CDK6: variants seen among roughly 807,000 people sequenced by gnomAD.
CDK6 encodes the protein cyclin-dependent kinase 6.
Under a neutral mutation model 37.1 loss-of-function variants are expected in CDK6, and 6 were observed. That is an observed-to-expected ratio of 0.16 (90% CI 0.09 to 0.32). The LOEUF (loss-of-function observed/expected upper bound fraction) is 0.32. CDK6 is among the 10% of genes least tolerant of loss of function. The pLI is 1.00. For missense variants in CDK6, 224 were observed against 418.9 expected (o/e 0.53, Z 4.06); for synonymous variants, 160 against 161.3 (o/e 0.99, Z 0.06).
In CDK6 at chr7:92,735,420, G is replaced by A. The variant is rs144637459; in HGVS notation, c.370-9627C>T. Among the ~76,000 whole-genome samples, 80 of 152,112 alleles carry A rather than the reference G, an allele frequency of 5.3e-4. 1 individual carries two copies. The highest frequency in any genetic ancestry group is 1.3e-4 in the Non-Finnish European group (9 of 67,990). ...ATAGGTAGTTTTTCAGCTCTTCCCCGCTCCTCTAGTAGTCCCCAGTGTCTA... is the reference window on the plus strand; with the variant it reads ...ATAGGTAGTTTTTCAGCTCTTCCCCACTCCTCTAGTAGTCCCCAGTGTCTA... On this transcript the variant is annotated intron_variant, in intron 3 of 7. Transcript: ENST00000424848.
At chr7:92,790,984 G>A (rs1466581959) in intron 2 of CDK6, among the ~76,000 whole-genome samples, 1 of 152,138 alleles carries the variant, frequency 6.6e-6, no homozygotes, top group Non-Finnish European at 1.5e-5. Context: ...TTTTCAAAGA[G>A]CCCAATCTGA....
At chr7:92,697,432 A>G (rs181778409) in intron 4 of CDK6, among the ~76,000 whole-genome samples, 1 of 152,370 alleles carries the variant, frequency 6.6e-6, no homozygotes, top group Non-Finnish European at 1.5e-5. Flanking sequence ...ATGTTACTTA[A>G]ACATAAAAAC....
chr7:92,810,572 GTGA>G (rs1800852251), intron 2 of CDK6, among the ~76,000 whole-genome samples: 1 of 152,180 alleles, frequency 6.6e-6, no homozygotes, highest in Non-Finnish European at 1.5e-5. Context: ...ACGAAAAGAA[GTGA>G]TGAATTCATT....
intron 2 of CDK6, among the ~76,000 whole-genome samples, chr7:92,780,214 C>T (rs1799952522): frequency 6.6e-6 from 1 of 152,160 alleles, no homozygotes; most frequent in East Asian, 1.9e-4. Context: ...TCAAGTGATC[C>T]ACCTGCCTTG....
At chr7:92,676,998 C>G (rs895784625) in intron 4 of CDK6, among the ~76,000 whole-genome samples, 18 of 151,440 alleles carry the variant, frequency 1.2e-4, no homozygotes, top group Admixed American at 3.3e-4. Context: ...CCATTACTTT[C>G]CAGTTCTCTA....
At chr7:92,792,316 A>C (rs1378824381) in intron 2 of CDK6, among the ~76,000 whole-genome samples, 2 of 152,150 alleles carry the variant, frequency 1.3e-5, no homozygotes, top group African/African-American at 4.8e-5. Context: ...GCAATTAAAA[A>C]AGTTTAAGTG....
At chr7:92,696,477 T>A (rs1554404012) in intron 4 of CDK6, among the ~76,000 whole-genome samples, 1 of 152,208 alleles carries the variant, frequency 6.6e-6, no homozygotes, top group Non-Finnish European at 1.5e-5. Flanking sequence ...ACCATATATG[T>A]GTATTTTTTT....
At chr7:92,726,055 CAT>C (rs1798505505) in intron 3 of CDK6, among the ~76,000 whole-genome samples, 1 of 152,146 alleles carries the variant, frequency 6.6e-6, no homozygotes, top group Admixed American at 6.5e-5. Context: ...GAATAGGAAA[CAT>C]TCTGGAAGGA....
chr7:92,758,320 A>G (rs1339311661), intron 3 of CDK6, among the ~76,000 whole-genome samples: 2 of 152,150 alleles, frequency 1.3e-5, no homozygotes, highest in Non-Finnish European at 2.9e-5. Flanking sequence ...TATGATGTAA[A>G]GAAGGGGTAT....
chr7:92,762,009 T>A (rs1200968793), intron 3 of CDK6, among the ~76,000 whole-genome samples: 1 of 152,214 alleles, frequency 6.6e-6, no homozygotes, highest in Non-Finnish European at 1.5e-5. Flanking sequence ...AAAACTTAAC[T>A]GATATTTATG....
intron 5 of CDK6, among the ~76,000 whole-genome samples, chr7:92,637,701 T>A (rs925435834): frequency 6.6e-6 from 1 of 152,172 alleles, no homozygotes; most frequent in African/African-American, 2.4e-5. Flanking sequence ...ATTATCCTCA[T>A]TTCAAAGGGA....
At chr7:92,663,137 T>C (rs763693347) in intron 5 of CDK6, among the ~76,000 whole-genome samples, 1 of 151,846 alleles carries the variant, frequency 6.6e-6, no homozygotes, top group African/African-American at 2.4e-5. Flanking sequence ...AGGGAAGCAA[T>C]GGCTTGGGAA....
chr7:92,741,248 C>A (rs1798919890), intron 3 of CDK6, among the ~76,000 whole-genome samples: 1 of 152,072 alleles, frequency 6.6e-6, no homozygotes, highest in East Asian at 1.9e-4. Flanking sequence ...TCTATTCTGA[C>A]AAAACAAGAG....
At chr7:92,627,605 A>G (rs1795956509) in intron 5 of CDK6, among the ~76,000 whole-genome samples, 1 of 152,054 alleles carries the variant, frequency 6.6e-6, no homozygotes, top group African/African-American at 2.4e-5. Context: ...TTATAAGCCA[A>G]TCCAGTTCAT....
intron 5 of CDK6, among the ~76,000 whole-genome samples, chr7:92,632,061 T>C (rs1796065269): frequency 6.6e-6 from 1 of 152,188 alleles, no homozygotes; most frequent in African/African-American, 2.4e-5. Flanking sequence ...CCACTGGTTT[T>C]GTCTTCAATA....
chr7:92,734,148 G>A (rs1798719773), intron 3 of CDK6, among the ~76,000 whole-genome samples: 1 of 152,108 alleles, frequency 6.6e-6, no homozygotes, highest in Admixed American at 6.5e-5. Context: ...TTACAATATT[G>A]AGTCTTTCCT....
chr7:92,800,466 A>G (rs1238308116), intron 2 of CDK6, among the ~76,000 whole-genome samples: 3 of 152,150 alleles, frequency 2.0e-5, no homozygotes, highest in African/African-American at 7.2e-5. Flanking sequence ...CTGGCCTAGA[A>G]TTGTGTCTGT....
chr7:92,694,561 T>C (rs1000988945), intron 4 of CDK6, among the ~76,000 whole-genome samples: 1 of 152,220 alleles, frequency 6.6e-6, no homozygotes, highest in Non-Finnish European at 1.5e-5. Flanking sequence ...GAAGAACCTT[T>C]AAGAGTTATT....
intron 4 of CDK6, among the ~76,000 whole-genome samples, chr7:92,707,006 A>G (rs1277057413): frequency 6.6e-6 from 1 of 152,216 alleles, no homozygotes; most frequent in Admixed American, 6.5e-5. Flanking sequence ...AGAAATAATA[A>G]TGAAAAAAGA....
Sources: allele counts gnomAD v4.1 joint callset (sites outside exome capture counted in the v4.1 genomes callset), GRCh38; gene constraint gnomAD v4.1.1; transcripts MANE v1.5; gene names NCBI Gene and HGNC (gene_info 2026-07-23, HGNC 2026-07-21).